Variants in NKAIN3 observed in about 807,000 individuals in gnomAD.
NKAIN3 encodes the protein sodium/potassium transporting ATPase interacting 3, also known as sodium/potassium-transporting ATPase subunit beta-1-interacting protein 3.
In NKAIN3, 25 loss-of-function variants were observed where a neutral mutation model predicts 30.2. That is an observed-to-expected ratio of 0.83 (90% CI 0.60 to 1.16). The LOEUF (loss-of-function observed/expected upper bound fraction) is 1.16. Among genes scored for constraint, NKAIN3 ranks in the 50% most tolerant of loss-of-function variants. NKAIN3 has a pLI of 0.00. For synonymous variants in NKAIN3, 91 were observed against 89.6 expected (o/e 1.02, Z -0.09); for missense variants, 225 against 254.1 (o/e 0.89, Z 0.78).
rs371719894 is a variant in NKAIN3, at chr8:62,801,945, C to A, written c.471+54816C>A. On this transcript the variant is annotated intron_variant, in intron 4 of 6. Coordinates refer to ENST00000623646, the MANE Select transcript of NKAIN3 (RefSeq NM_001304533.3). Reference sequence around the variant, plus strand: ...TTAAAGGAGCTGATGGAGCTGAAAGCCAAGGCTCGAGAACTATGTGAAGAA... The same window carrying A: ...TTAAAGGAGCTGATGGAGCTGAAAGACAAGGCTCGAGAACTATGTGAAGAA... Among the ~76,000 whole-genome samples the A allele has an allele frequency of 4.7e-4, 72 of 152,226 alleles. No individual in the cohort carries two copies. The South Asian group carries it at 0.013, about 28-fold the overall frequency.
intron 6 of NKAIN3, among the ~76,000 whole-genome samples, chr8:62,959,033 A>G (rs1459445485): frequency 6.6e-6 from 1 of 152,184 alleles, no homozygotes; most frequent in Admixed American, 6.5e-5. Flanking sequence ...CTTCCAAAGG[A>G]AAACTTGTTT....
At chr8:62,850,654 A>C (rs903710206) in intron 4 of NKAIN3, among the ~76,000 whole-genome samples, 1 of 147,368 alleles carries the variant, frequency 6.8e-6, no homozygotes, top group African/African-American at 2.5e-5. Context: ...GAAGGGATCC[A>C]GTTTCAGCTT....
chr8:62,961,636 A>G (rs1440469241), intron 6 of NKAIN3, among the ~76,000 whole-genome samples: 2 of 152,220 alleles, frequency 1.3e-5, no homozygotes, highest in South Asian at 2.1e-4. Context: ...ACTTCTGTAT[A>G]ACCAAAAAAT....
chr8:62,546,148 C>T (rs1809004504), intron 1 of NKAIN3, among the ~76,000 whole-genome samples: 1 of 152,140 alleles, frequency 6.6e-6, no homozygotes, highest in African/African-American at 2.4e-5. Context: ...GCATTGCTTC[C>T]AGGGCTTGTC....
intron 4 of NKAIN3, among the ~76,000 whole-genome samples, chr8:62,803,603 A>G (rs1043504664): frequency 1.3e-5 from 2 of 152,194 alleles, no homozygotes; most frequent in African/African-American, 2.4e-5. Flanking sequence ...TCTCTGGGAC[A>G]CATTCAAAGC....
chr8:62,420,211 G>A lies in NKAIN3; in HGVS notation c.55-159328G>A, dbSNP rs7816284. On this transcript the variant is annotated intron_variant, in intron 1 of 6. Coordinates refer to ENST00000623646, the MANE Select transcript of NKAIN3 (RefSeq NM_001304533.3). ...AGAGGGTAAATAAAGTAGGCATTAT[G>A]AAATTTACCTGTTCATGTAATTTAC... 4.5e-3 allele frequency among the ~76,000 whole-genome samples: 686 copies of A among 152,238 alleles called. 7 individuals are homozygous for A. The highest frequency in any genetic ancestry group is 0.016 in the African/African-American group (650 of 41,532).
chr8:62,910,150 A>T (rs1037776319), intron 4 of NKAIN3, among the ~76,000 whole-genome samples: 7 of 152,184 alleles, frequency 4.6e-5, no homozygotes, highest in Non-Finnish European at 7.4e-5. Flanking sequence ...AAAAATAAAT[A>T]AATTGACCAG....
chr8:62,753,360 C>T (rs1472050725), intron 4 of NKAIN3, among the ~76,000 whole-genome samples: 4 of 151,646 alleles, frequency 2.6e-5, no homozygotes, highest in South Asian at 2.1e-4. Flanking sequence ...ATTTAGCACC[C>T]GAACATCTGA....
intron 4 of NKAIN3, among the ~76,000 whole-genome samples, chr8:62,810,794 A>T (rs1041484025): frequency 6.6e-6 from 1 of 152,038 alleles, no homozygotes; most frequent in Non-Finnish European, 1.5e-5. Context: ...CTTCTATTAA[A>T]GATTACTTTT....
At chr8:62,938,888 C>T (rs993243723) in intron 5 of NKAIN3, among the ~76,000 whole-genome samples, 4 of 152,162 alleles carry the variant, frequency 2.6e-5, no homozygotes, top group Admixed American at 6.5e-5. Flanking sequence ...AGCAATGGAC[C>T]GAAACCAACA....
chr8:62,318,309 A>G (rs1283697010), intron 1 of NKAIN3, among the ~76,000 whole-genome samples: 7 of 152,148 alleles, frequency 4.6e-5, no homozygotes, highest in Admixed American at 4.6e-4. Flanking sequence ...AACGTCCAGC[A>G]CGTCCCATGT....
At chr8:62,349,244 G>A (rs909569017) in intron 1 of NKAIN3, among the ~76,000 whole-genome samples, 1 of 152,104 alleles carries the variant, frequency 6.6e-6, no homozygotes, top group African/African-American at 2.4e-5. Flanking sequence ...ATGTGGAAGT[G>A]CAGCAAGGGG....
intron 4 of NKAIN3, among the ~76,000 whole-genome samples, chr8:62,839,313 A>C (rs1398825323): frequency 6.6e-6 from 1 of 151,568 alleles, no homozygotes; most frequent in African/African-American, 2.4e-5. Context: ...TAAAAAAAAA[A>C]AAACAAAAAC....
At chr8:62,840,799 T>C (rs1345715287) in intron 4 of NKAIN3, among the ~76,000 whole-genome samples, 1 of 152,120 alleles carries the variant, frequency 6.6e-6, no homozygotes, top group Non-Finnish European at 1.5e-5. Flanking sequence ...ATGTCTCTAT[T>C]GAATATATGG....
intron 4 of NKAIN3, chr8:62,855,542 T>C: frequency 6.6e-7 from 1 of 1,513,014 alleles, no homozygotes; most frequent in Non-Finnish European, 9.2e-7. Flanking sequence ...CTCCTTAAAC[T>C]CAACCACCAG....
chr8:62,862,166 A>G (rs893628947), intron 4 of NKAIN3, among the ~76,000 whole-genome samples: 4 of 152,226 alleles, frequency 2.6e-5, no homozygotes, highest in African/African-American at 9.6e-5. Context: ...TTAAAGCAGT[A>G]AAAACATTAT....
chr8:62,778,522 C>T (rs1233066335), intron 4 of NKAIN3, among the ~76,000 whole-genome samples: 1 of 152,112 alleles, frequency 6.6e-6, no homozygotes, highest in Non-Finnish European at 1.5e-5. Flanking sequence ...TGTCTGGCTA[C>T]TGCCAATGTT....
chr8:62,817,166 T>A (rs984485729), intron 4 of NKAIN3, among the ~76,000 whole-genome samples: 11 of 152,176 alleles, frequency 7.2e-5, no homozygotes, highest in African/African-American at 2.4e-4. Flanking sequence ...TGTGGTTATC[T>A]ATTTGTTGTT....
At chr8:62,949,971 T>C (rs571172357) in intron 5 of NKAIN3, among the ~76,000 whole-genome samples, 26 of 152,326 alleles carry the variant, frequency 1.7e-4, no homozygotes, top group African/African-American at 6.0e-4. Context: ...CTTTTCGTGT[T>C]TCATTGAAAT....
Sources: gnomAD v4.1 joint callset for allele counts (sites outside exome capture counted in the v4.1 genomes callset) on GRCh38, gnomAD v4.1.1 for gene constraint, MANE v1.5 for transcripts, NCBI Gene and HGNC (gene_info 2026-07-23, HGNC 2026-07-21) for gene names.